CTBP2: variants seen among roughly 807,000 people sequenced by gnomAD.
The protein encoded by CTBP2 is C-terminal binding protein 2.
CTBP2 carries 30 observed loss-of-function variants against 80.3 expected under a neutral mutation model. The ratio of observed to expected loss-of-function variants is 0.37; its 90% CI spans 0.28 to 0.51. CTBP2 has a LOEUF of 0.51. CTBP2 is among the 20% of genes least tolerant of loss of function. CTBP2 has a pLI of 0.93. For synonymous variants in CTBP2, 594 were observed against 587.4 expected, an observed-to-expected ratio of 1.01 and a Z score of -0.16; for missense variants, 1,212 against 1,375.3, an observed-to-expected ratio of 0.88 and a Z score of 1.88.
At chr10:125,161,548 G>T (rs1450032812), upstream of CTBP2, among the ~76,000 whole-genome samples, 1 of 152,036 alleles carries the variant, frequency 6.6e-6, no homozygotes, top group Non-Finnish European at 1.5e-5. Flanking sequence ...AGGCCCGCGG[G>T]GTCAGGCGCG....
intron 1 of CTBP2, among the ~76,000 whole-genome samples, chr10:125,154,606 C>T (rs1446370811): frequency 6.6e-6 from 1 of 152,208 alleles, no homozygotes; most frequent in Non-Finnish European, 1.5e-5. Flanking sequence ...AGGGACTAGG[C>T]ATATACACAT....
At chr10:125,052,203 C>A (rs1962946576) in intron 2 of CTBP2, among the ~76,000 whole-genome samples, 1 of 152,194 alleles carries the variant, frequency 6.6e-6, no homozygotes, top group South Asian at 2.1e-4. Flanking sequence ...GCAATCTGTG[C>A]AGAATCCTGG....
chr10:125,007,021 G>A (rs141829148), intron 1 of CTBP2, among the ~76,000 whole-genome samples: 6 of 152,352 alleles, frequency 3.9e-5, no homozygotes, highest in South Asian at 4.1e-4. Flanking sequence ...ACCACGGTGC[G>A]CAACCACGAG....
intron 2 of CTBP2, among the ~76,000 whole-genome samples, chr10:125,096,996 T>G (rs2135751159): frequency 6.6e-6 from 1 of 152,368 alleles, no homozygotes; most frequent in Admixed American, 6.5e-5. Context: ...TCTCTTCTCA[T>G]TAAAGTAAAC....
chr10:125,139,180 T>C (rs1413865571), intron 1 of CTBP2, among the ~76,000 whole-genome samples: 1 of 152,054 alleles, frequency 6.6e-6, no homozygotes, highest in East Asian at 1.9e-4. Flanking sequence ...GAGAGCAGCC[T>C]GGCCAACATG....
chr10:125,141,902 C>T (rs143916223), intron 1 of CTBP2, among the ~76,000 whole-genome samples: 3 of 152,224 alleles, frequency 2.0e-5, no homozygotes, highest in Non-Finnish European at 4.4e-5. Flanking sequence ...AAGGAGAAAG[C>T]GGCCCTGGCC....
At chr10:125,075,421 C>T (rs949451674) in intron 2 of CTBP2, among the ~76,000 whole-genome samples, 19 of 152,098 alleles carry the variant, frequency 1.2e-4, no homozygotes, top group African/African-American at 3.6e-4. Flanking sequence ...ATTTTATTCC[C>T]TTTTCTCTTT....
chr10:125,031,718 T>C (rs529023237), upstream of CTBP2, among the ~76,000 whole-genome samples: 29 of 152,210 alleles, frequency 1.9e-4, no homozygotes, highest in South Asian at 6.0e-3. Context: ...TGCCCAGACA[T>C]CGTTTCAGGT....
chr10:125,159,973 TC>T (rs1367386979), intron 1 of CTBP2: 1 of 149,080 alleles, frequency 6.7e-6, no homozygotes, highest in African/African-American at 2.5e-5. Context: ...TTTTTTTTTT[TC>T]AACCCTGATG....
chr10:125,015,911 G>A (rs1358795413), intron 1 of CTBP2, among the ~76,000 whole-genome samples: 2 of 152,218 alleles, frequency 1.3e-5, no homozygotes, highest in African/African-American at 2.4e-5. Flanking sequence ...GGACACACAC[G>A]GGGCTGGGTG....
intron 1 of CTBP2, among the ~76,000 whole-genome samples, chr10:125,128,883 G>T (rs917287962): frequency 1.2e-4 from 18 of 152,192 alleles, no homozygotes; most frequent in Admixed American, 7.9e-4. Flanking sequence ...ATAGCGAAAA[G>T]CTGGAAACAG....
At chr10:125,124,066 TTGTACGC>T (rs1303376357) in intron 1 of CTBP2, among the ~76,000 whole-genome samples, 2 of 152,118 alleles carry the variant, frequency 1.3e-5, no homozygotes, top group Non-Finnish European at 2.9e-5. Context: ...ACATACACAG[TTGTACGC>T]TGGGCTGGCC....
At chr10:125,057,186 A>T (rs1964109060) in intron 2 of CTBP2, among the ~76,000 whole-genome samples, 1 of 152,238 alleles carries the variant, frequency 6.6e-6, no homozygotes, top group Admixed American at 6.5e-5. Context: ...GATGAAAACG[A>T]CTTCAACACA....
At chr10:125,094,103 G>A (rs1474027102) in intron 2 of CTBP2, among the ~76,000 whole-genome samples, 1 of 152,114 alleles carries the variant, frequency 6.6e-6, no homozygotes, top group African/African-American at 2.4e-5. Context: ...CAGCAGGGGT[G>A]GTAACTAAAT....
chr10:125,013,690 G>C (rs778600339), intron 1 of CTBP2, among the ~76,000 whole-genome samples: 1 of 152,152 alleles, frequency 6.6e-6, no homozygotes. Context: ...TAACGGAGGC[G>C]GGGGGAACTT....
chr10:125,069,477 G>A (rs1845133196), intron 2 of CTBP2, among the ~76,000 whole-genome samples: 1 of 152,176 alleles, frequency 6.6e-6, no homozygotes. Context: ...AATTAGCTGG[G>A]CGTTGTGGTG....
intron 1 of CTBP2, among the ~76,000 whole-genome samples, chr10:125,113,153 T>G (rs1489705534): frequency 1.3e-5 from 2 of 152,220 alleles, no homozygotes; most frequent in Admixed American, 6.5e-5. Context: ...GAGACAGACA[T>G]TCCAGCCTCA....
chr10:125,094,208 T>C (rs1849206946), intron 2 of CTBP2, among the ~76,000 whole-genome samples: 1 of 152,198 alleles, frequency 6.6e-6, no homozygotes, highest in African/African-American at 2.4e-5. Flanking sequence ...AGGGATGCTT[T>C]GTCCTGATTT....
rs1199442926 is a variant in CTBP2 at position 125,038,983 on chromosome 10, A to T, written c.58+14T>A. On this transcript the variant is annotated intron_variant, in intron 3 of 10. Transcript: ENST00000337195. Reference sequence around the variant, plus strand: ...CTACGTATGTTTGGTAAAAACCGCCAAACACGCTCTTACCTTCACAAATTC... The same window carrying T: ...CTACGTATGTTTGGTAAAAACCGCCTAACACGCTCTTACCTTCACAAATTC... The T allele has an allele frequency of 6.2e-7, 1 of 1,612,764 alleles. No individual in the cohort carries two copies. Among genetic ancestry groups the T allele is most frequent in the Non-Finnish European group, 8.5e-7 (1 of 1,179,382 alleles).
Sources: gnomAD v4.1 joint callset for allele counts (sites outside exome capture counted in the v4.1 genomes callset) on GRCh38, gnomAD v4.1.1 for gene constraint, MANE v1.5 for transcripts, NCBI Gene and HGNC (gene_info 2026-07-23, HGNC 2026-07-21) for gene names.